Variants in LAPTM4B observed in about 807,000 individuals in gnomAD.
The protein encoded by LAPTM4B is lysosomal protein transmembrane 4 beta, also known as lysosomal-associated transmembrane protein 4B.
A neutral mutation model predicts 28.5 loss-of-function variants in LAPTM4B; 26 were observed. The ratio of observed to expected loss-of-function variants is 0.91; its 90% confidence interval spans 0.67 to 1.27. The LOEUF (loss-of-function observed/expected upper bound fraction) is 1.27. Ranked by LOEUF, LAPTM4B falls within the 50% of genes most tolerant of loss-of-function variation. The pLI is 0.00. For missense variants in LAPTM4B, 288 were observed against 285.8 expected (o/e 1.01, Z -0.06); for synonymous variants, 109 against 106.4 (o/e 1.02, Z -0.15).
In LAPTM4B at chr8:97,775,819, C is replaced by G. The variant is rs1278979691; in HGVS notation, c.-191C>G. On this transcript the variant is annotated 5_prime_UTR_variant, in exon 1 of 7. Transcript: ENST00000521545. ...GCCGCTGCAGCGGTCGCCTTCGGAG[C>G]GAAGGGTACCGACCCGGCAGAAGCT... is the stretch of plus-strand genomic sequence containing the variant. 3.8e-6 allele frequency: 6 copies of G among 1,560,126 alleles called. No homozygotes were observed. The highest frequency in any genetic ancestry group is 5.2e-6 in the Non-Finnish European group (6 of 1,159,524).
In LAPTM4B at chr8:97,776,075, C is replaced by T. The variant is rs1816206062; in HGVS notation, c.66C>T (p.Arg22=). ...SNSCCLCCHV[R]TGTILLGVWY... Reference sequence around the variant, plus strand: ...GCTGCTGCTTGTGCTGCCATGTCCGCACCGGCACCATCCTGCTCGGCGTCT... The same window carrying T: ...GCTGCTGCTTGTGCTGCCATGTCCGTACCGGCACCATCCTGCTCGGCGTCT... Residue 22 remains arginine (R), a synonymous_variant, in exon 1 of 7, where the codon CGC becomes CGT. Coordinates refer to ENST00000521545, the MANE Select transcript of LAPTM4B (RefSeq NM_018407.6). 1 of 1,588,762 alleles carries T rather than the reference C, an allele frequency of 6.3e-7. No individual in the cohort carries two copies. The highest frequency in any genetic ancestry group is 1.4e-5 in the African/African-American group (1 of 71,972).
intron 6 of LAPTM4B, among the ~76,000 whole-genome samples, chr8:97,825,751 T>C (rs950462387): frequency 1.4e-4 from 21 of 152,234 alleles, no homozygotes; most frequent in African/African-American, 4.3e-4. Context: ...ATGTAAATTA[T>C]CTTGAAATTT....
At chr8:97,802,996 C>G (rs1004990702) in intron 1 of LAPTM4B, among the ~76,000 whole-genome samples, 2 of 151,836 alleles carry the variant, frequency 1.3e-5, no homozygotes, top group African/African-American at 4.8e-5. Context: ...ATCAGGAGTT[C>G]AAGACCAGCC....
rs376409325 is a variant in LAPTM4B, at chr8:97,815,427, G to A, written c.285+26G>A. 8.9e-5 allele frequency: 131 copies of A among 1,474,370 alleles called. No individual in the cohort carries two copies. In the African/African-American group the frequency reaches 1.4e-3, roughly 16 times the overall value. 91.3% of individuals were successfully genotyped at this position (1,474,370 alleles called of 1,614,324 possible). A position where few individuals can be genotyped will look rare whatever the true frequency, so the allele number is the denominator to read the frequency against. ...GTAAGCCGCTTGCAGTAAGATGCTGGCCTTTTCCTTGGTCTCTTACATGTG... is the reference window on the plus strand; with the variant it reads ...GTAAGCCGCTTGCAGTAAGATGCTGACCTTTTCCTTGGTCTCTTACATGTG... On this transcript the variant is annotated intron_variant, in intron 3 of 6. Transcript: ENST00000521545.
intron 1 of LAPTM4B, among the ~76,000 whole-genome samples, chr8:97,804,641 G>T (rs1164274162): frequency 6.6e-6 from 1 of 152,204 alleles, no homozygotes; most frequent in East Asian, 1.9e-4. Flanking sequence ...CATAGTGCCT[G>T]AATGTTTTTC....
chr8:97,776,331 G>C (rs1159001972), intron 1 of LAPTM4B, among the ~76,000 whole-genome samples: 2 of 152,252 alleles, frequency 1.3e-5, no homozygotes, highest in African/African-American at 4.8e-5. Flanking sequence ...AGGGGCGCGG[G>C]GCGGAGGGCC....
At chr8:97,802,489 G>A (rs565146307) in intron 1 of LAPTM4B, among the ~76,000 whole-genome samples, 154 of 152,212 alleles carry the variant, frequency 1.0e-3, no homozygotes, top group African/African-American at 3.6e-3. Flanking sequence ...AATAAGGACA[G>A]CCAGAGCTCA....
At chr8:97,782,278 G>GTTTTTTT (rs1816333248) in intron 1 of LAPTM4B, among the ~76,000 whole-genome samples, 1 of 69,770 alleles carries the variant, frequency 1.4e-5, no homozygotes, top group African/African-American at 6.0e-5. Context: ...ACCATGCCCA[G>GTTTTTTT]CTTTTTTTTT....
chr8:97,813,562 CT>C (rs1194927865), intron 2 of LAPTM4B, among the ~76,000 whole-genome samples: 3 of 152,246 alleles, frequency 2.0e-5, no homozygotes, highest in African/African-American at 7.2e-5. Flanking sequence ...CAAGTTGACA[CT>C]CCAGATGCAT....
At chr8:97,826,373 G>A (rs964725386) in intron 6 of LAPTM4B, among the ~76,000 whole-genome samples, 3 of 152,282 alleles carry the variant, frequency 2.0e-5, no homozygotes, top group Middle Eastern at 3.4e-3. Context: ...CAGTAATCAC[G>A]TGTTCTGCTC....
intron 1 of LAPTM4B, among the ~76,000 whole-genome samples, chr8:97,801,184 T>A (rs943200439): frequency 6.6e-6 from 1 of 151,640 alleles, no homozygotes; most frequent in Non-Finnish European, 1.5e-5. Flanking sequence ...TCATACTTTT[T>A]TTTTTTTTTT....
intron 6 of LAPTM4B, among the ~76,000 whole-genome samples, chr8:97,844,964 A>G (rs1406769948): frequency 6.6e-6 from 1 of 152,190 alleles, no homozygotes; most frequent in Non-Finnish European, 1.5e-5. Flanking sequence ...CATAGAATCA[A>G]AAGGTTTTTT....
intron 5 of LAPTM4B, among the ~76,000 whole-genome samples, 168 bp downstream of exon 5, chr8:97,819,406 T>G (rs1233562395): frequency 6.6e-6 from 1 of 152,198 alleles, no homozygotes; most frequent in Non-Finnish European, 1.5e-5. Flanking sequence ...AGGTAAACAC[T>G]AATCAAAATT....
At chr8:97,797,259 C>G (rs879604448) in intron 1 of LAPTM4B, among the ~76,000 whole-genome samples, 1 of 151,848 alleles carries the variant, frequency 6.6e-6, no homozygotes, top group Non-Finnish European at 1.5e-5. Context: ...CTCAGCCTTC[C>G]GAGTAGCTGG....
At chr8:97,782,870 T>G (rs967400477) in intron 1 of LAPTM4B, among the ~76,000 whole-genome samples, 4 of 151,922 alleles carry the variant, frequency 2.6e-5, no homozygotes, top group African/African-American at 9.7e-5. Context: ...TAGCTGGGAT[T>G]GCAGGCATGC....
chr8:97,785,728 A>G (rs749873275), intron 1 of LAPTM4B, among the ~76,000 whole-genome samples: 1 of 152,222 alleles, frequency 6.6e-6, no homozygotes, highest in Non-Finnish European at 1.5e-5. Flanking sequence ...GTGATTGGCT[A>G]TCCATTGTTG....
chr8:97,812,980 C>G (rs187575190), intron 2 of LAPTM4B, among the ~76,000 whole-genome samples: 13 of 152,288 alleles, frequency 8.5e-5, no homozygotes, highest in Middle Eastern at 3.4e-3. Context: ...ACTTTGCCTA[C>G]AAGAATACTA....
chr8:97,812,281 G>GCA (rs2129784739), intron 2 of LAPTM4B, among the ~76,000 whole-genome samples: 1 of 133,686 alleles, frequency 7.5e-6, no homozygotes, highest in East Asian at 2.3e-4. Context: ...GTACAGTGCT[G>GCA]CTATCTTGGC....
intron 1 of LAPTM4B, among the ~76,000 whole-genome samples, chr8:97,804,570 T>G (rs1816732018): frequency 6.6e-6 from 1 of 152,192 alleles, no homozygotes; most frequent in East Asian, 1.9e-4. Context: ...TGGGAATAAT[T>G]TAGTACCCAC....
Sources: gnomAD v4.1 joint callset for allele counts (sites outside exome capture counted in the v4.1 genomes callset) on GRCh38, gnomAD v4.1.1 for gene constraint, MANE v1.5 for transcripts, NCBI Gene and HGNC (gene_info 2026-07-23, HGNC 2026-07-21) for gene names.